The following CNTN4 variants were observed in gnomAD, a reference collection of about 807,000 sequenced individuals.
The protein encoded by CNTN4 is contactin-4.
In CNTN4, 77 loss-of-function variants were observed where a neutral mutation model predicts 122.5. That is an observed-to-expected ratio of 0.63 (90% CI 0.52 to 0.76). The LOEUF is 0.76. Among genes scored for constraint, CNTN4 ranks in the 30% least tolerant of loss-of-function variants. The pLI is 0.00. For missense variants in CNTN4, 1,256 were observed against 1,259.1 expected, an observed-to-expected ratio of 1.00 and a Z score of 0.04; for synonymous variants, 512 against 447.0, an observed-to-expected ratio of 1.15 and a Z score of -1.83.
At chr3:3,027,929 A>G (rs73808821) in intron 15 of CNTN4, among the ~76,000 whole-genome samples, 15,564 of 152,196 alleles carry the variant, frequency 0.1, 800 homozygotes, top group Middle Eastern at 0.19. Context: ...GAAAATGTCT[A>G]TCTCCCCTGT....
chr3:2,358,995 A>G (rs1003662443), intron 3 of CNTN4, among the ~76,000 whole-genome samples: 2 of 152,174 alleles, frequency 1.3e-5, no homozygotes, highest in South Asian at 2.1e-4. Context: ...GTTAGGTGCT[A>G]CTGGTAGATT....
chr3:2,773,524 A>T (rs3935672), intron 6 of CNTN4, among the ~76,000 whole-genome samples: 2 of 151,986 alleles, frequency 1.3e-5, no homozygotes, highest in African/African-American at 2.4e-5. Context: ...AACTGGAGGA[A>T]GACCTCAGAA....
intron 4 of CNTN4, among the ~76,000 whole-genome samples, chr3:2,700,658 A>AG (rs1185892744): frequency 6.6e-6 from 1 of 151,628 alleles, no homozygotes; most frequent in Middle Eastern, 3.2e-3. Context: ...CCTGGCAAAA[A>AG]AAAAAAGAAA....
At chr3:2,133,826 C>A (rs535926733) in intron 2 of CNTN4, among the ~76,000 whole-genome samples, 68 of 152,282 alleles carry the variant, frequency 4.5e-4, no homozygotes, top group African/African-American at 1.5e-3. Context: ...TAATTTATCA[C>A]TGGCTAGGTC....
intron 2 of CNTN4, among the ~76,000 whole-genome samples, chr3:2,187,709 G>A (rs2037339108): frequency 6.6e-6 from 1 of 152,066 alleles, no homozygotes; most frequent in African/African-American, 2.4e-5. Context: ...GTCTATGCAG[G>A]GCCCTTGCAA....
intron 10 of CNTN4, among the ~76,000 whole-genome samples, chr3:2,895,361 G>C (rs1283276707): frequency 2.6e-5 from 4 of 152,234 alleles, no homozygotes; most frequent in Non-Finnish European, 5.9e-5. Context: ...ACAGGAGGCA[G>C]AGCACATTCA....
At chr3:2,901,209 G>A (rs1251490411) in intron 11 of CNTN4, among the ~76,000 whole-genome samples, 2 of 152,214 alleles carry the variant, frequency 1.3e-5, no homozygotes, top group Non-Finnish European at 2.9e-5. Flanking sequence ...CTCTGACAAA[G>A]AAATCTGAAT....
chr3:2,892,209 G>A (rs539886059), intron 10 of CNTN4: 1 of 152,216 alleles, frequency 6.6e-6, no homozygotes, highest in South Asian at 2.1e-4. Context: ...CAGAATTCTG[G>A]GTCTCGTTCT....
intron 4 of CNTN4, among the ~76,000 whole-genome samples, chr3:2,591,357 T>TAAAATTGTAGCCTTCTGAAAC (rs1460497312): frequency 1.5e-4 from 1 of 6,758 alleles, no homozygotes; most frequent in South Asian, 0.02. Flanking sequence ...TGTGACTTTT[T>TAAAATTGTAGCCTTCTGAAAC]TTTTTTTTTT....
Position 3,057,439 on chromosome 3 carries a change from A to G in CNTN4, c.*1219A>G, listed in dbSNP as rs916845858. 2.0e-5 allele frequency: 3 copies of G among 152,672 alleles called. No individual in the cohort carries two copies. The highest frequency in any genetic ancestry group is 2.9e-5 in the Non-Finnish European group (2 of 68,038). 9.5% of individuals were successfully genotyped at this position (152,672 alleles called of 1,614,324 possible). A position where few individuals can be genotyped will look rare whatever the true frequency, so the allele number is the denominator to read the frequency against. On this transcript the variant is annotated 3_prime_UTR_variant, in exon 25 of 25. Coordinates refer to ENST00000418658, the MANE Select transcript of CNTN4 (RefSeq NM_175607.3). ...TAAAATCACACATTGGAAAATGACA[A>G]TATCAACAAAACTGTATTCTTATGA...
chr3:2,875,490 C>G (rs2093833188), intron 8 of CNTN4, among the ~76,000 whole-genome samples: 1 of 152,178 alleles, frequency 6.6e-6, no homozygotes. Flanking sequence ...TATTTATGGG[C>G]CCACCACCTA....
At chr3:2,636,792 G>A (rs1029481045) in intron 4 of CNTN4, among the ~76,000 whole-genome samples, 5 of 152,088 alleles carry the variant, frequency 3.3e-5, no homozygotes, top group Non-Finnish European at 7.4e-5. Context: ...GGACAAAACA[G>A]TATTAACTAT....
chr3:2,396,046 T>TA (rs1447572666), intron 3 of CNTN4, among the ~76,000 whole-genome samples: 1 of 150,826 alleles, frequency 6.6e-6, no homozygotes, highest in Non-Finnish European at 1.5e-5. Context: ...TGTTGTTATT[T>TA]TTTTTTTTTT....
chr3:2,560,948 C>T (rs999042001), intron 3 of CNTN4, among the ~76,000 whole-genome samples: 2 of 152,174 alleles, frequency 1.3e-5, no homozygotes, highest in Non-Finnish European at 2.9e-5. Flanking sequence ...AATCTTATTT[C>T]TGCTTCTGAT....
At chr3:2,708,451 G>A (rs996786603) in intron 4 of CNTN4, among the ~76,000 whole-genome samples, 1 of 152,178 alleles carries the variant, frequency 6.6e-6, no homozygotes, top group East Asian at 1.9e-4. Flanking sequence ...CATTCTTGGA[G>A]GGGATACGTT....
At chr3:2,206,832 A>T in intron 2 of CNTN4, among the ~76,000 whole-genome samples, 1 of 149,860 alleles carries the variant, frequency 6.7e-6, no homozygotes, top group East Asian at 1.9e-4. Flanking sequence ...ATACAGGGAT[A>T]CCTCATCCGA....
intron 3 of CNTN4, among the ~76,000 whole-genome samples, chr3:2,540,404 A>G (rs1393721760): frequency 1.3e-5 from 2 of 152,058 alleles, no homozygotes; most frequent in East Asian, 3.9e-4. Context: ...TTGCAGCAAA[A>G]CAGAAAGCGG....
rs2093988808 is a variant in CNTN4 at position 2,887,211 on chromosome 3, G to C, written c.927G>C (p.Gln309His). Residue 309 changes from glutamine (Q) to histidine (H), a missense_variant, in exon 10 of 25, where the codon CAG becomes CAC. Gln to His is a conservative substitution (Grantham distance 24). Transcript: ENST00000418658. ...GAGGGAAAAATGTAGCAAGGGGACA[G>C]CTAACTTTCTATGGTAAGTGTATGA... is the stretch of plus-strand genomic sequence containing the variant. ...NSRGKNVARG[Q>H]LTFYAQPNWI... 1 of 1,613,056 alleles carries C rather than the reference G, an allele frequency of 6.2e-7. No homozygotes were observed.
chr3:2,377,722 T>C (rs976960961), intron 3 of CNTN4, among the ~76,000 whole-genome samples: 1 of 152,188 alleles, frequency 6.6e-6, no homozygotes, highest in Non-Finnish European at 1.5e-5. Context: ...TAGCTTTGAA[T>C]GCAGCCCAGT....
Sources: gnomAD v4.1 joint callset for allele counts (sites outside exome capture counted in the v4.1 genomes callset) on GRCh38, gnomAD v4.1.1 for gene constraint, MANE v1.5 for transcripts, NCBI Gene and HGNC (gene_info 2026-07-23, HGNC 2026-07-21) for gene names.